PDE10A: variants seen among roughly 807,000 people sequenced by gnomAD.
PDE10A encodes the protein phosphodiesterase 10A.
A neutral mutation model predicts 97.7 loss-of-function variants in PDE10A; 39 were observed. The ratio of observed to expected loss-of-function variants is 0.40; its 90% CI spans 0.31 to 0.52. PDE10A has a LOEUF of 0.52. Ranked by LOEUF, PDE10A falls within the 20% of genes least tolerant of loss-of-function variation. The pLI is 0.56. For missense variants in PDE10A, 731 were observed against 1,047.8 expected, an observed-to-expected ratio of 0.70 and a Z score of 4.17; for synonymous variants, 371 against 376.8, an observed-to-expected ratio of 0.98 and a Z score of 0.18.
At chr6:165,549,891 T>C (rs1583520170) in intron 1 of PDE10A, among the ~76,000 whole-genome samples, 2 of 152,322 alleles carry the variant, frequency 1.3e-5, no homozygotes, top group Admixed American at 6.5e-5. Context: ...TTAGTAATCA[T>C]AGGTACTAAA....
intron 1 of PDE10A, among the ~76,000 whole-genome samples, chr6:165,594,926 G>A (rs1786494957): frequency 6.6e-6 from 1 of 152,230 alleles, no homozygotes; most frequent in Non-Finnish European, 1.5e-5. Context: ...GTCTGGTGTG[G>A]TGAACAAGAT....
At chr6:165,545,623 T>C (rs528878878) in intron 1 of PDE10A, among the ~76,000 whole-genome samples, 6 of 152,192 alleles carry the variant, frequency 3.9e-5, no homozygotes, top group African/African-American at 1.4e-4. Flanking sequence ...CAAAGGCCAC[T>C]TCAGTAAAGA....
chr6:165,542,223 C>T (rs975177368), intron 2 of PDE10A, among the ~76,000 whole-genome samples: 2 of 151,940 alleles, frequency 1.3e-5, no homozygotes, highest in African/African-American at 4.8e-5. Flanking sequence ...ATAAAATTGT[C>T]ACAATAAAAA....
chr6:165,734,708 A>G (rs920694290), intron 1 of PDE10A, among the ~76,000 whole-genome samples: 1 of 152,202 alleles, frequency 6.6e-6, no homozygotes, highest in Admixed American at 6.5e-5. Context: ...AGAAAATACC[A>G]AAGTTAAGAG....
At chr6:165,887,490 T>G (rs1456858014) in intron 1 of PDE10A, among the ~76,000 whole-genome samples, 1 of 152,138 alleles carries the variant, frequency 6.6e-6, no homozygotes, top group Non-Finnish European at 1.5e-5. Flanking sequence ...TCCTGAACCT[T>G]TCCTTCACTT....
At chr6:165,365,742 A>T (rs960962727) in intron 18 of PDE10A, among the ~76,000 whole-genome samples, 32 of 152,178 alleles carry the variant, frequency 2.1e-4, no homozygotes, top group African/African-American at 7.0e-4. Flanking sequence ...AAATTAAATT[A>T]AAATTTAAAA....
At chr6:165,625,086 C>A (rs1191173805) in intron 1 of PDE10A, among the ~76,000 whole-genome samples, 4 of 151,594 alleles carry the variant, frequency 2.6e-5, no homozygotes, top group African/African-American at 9.8e-5. Context: ...AGAGAGAGTG[C>A]TGGAGAGACG....
At chr6:165,458,346 G>A (rs1778084377) in intron 3 of PDE10A, among the ~76,000 whole-genome samples, 1 of 152,068 alleles carries the variant, frequency 6.6e-6, no homozygotes. Flanking sequence ...GGAGTGATTA[G>A]GTCAGGAGAA....
chr6:165,543,703 A>G (rs1471779905), intron 1 of PDE10A, 135 bp from the exon 2 acceptor site: 2 of 626,674 alleles, frequency 3.2e-6, no homozygotes, highest in Non-Finnish European at 5.1e-6. Flanking sequence ...AAGAGCGGGA[A>G]GGGGAAGCTA....
intron 3 of PDE10A, among the ~76,000 whole-genome samples, chr6:165,469,644 G>T (rs1422589464): frequency 6.6e-6 from 1 of 151,970 alleles, no homozygotes; most frequent in Non-Finnish European, 1.5e-5. Flanking sequence ...TTCCATCTGG[G>T]TGAGAAGTTA....
chr6:165,877,507 T>C (rs1360807753), intron 1 of PDE10A, among the ~76,000 whole-genome samples: 1 of 152,220 alleles, frequency 6.6e-6, no homozygotes, highest in African/African-American at 2.4e-5. Context: ...CTTCCAAATA[T>C]CCTTTTGATT....
At chr6:165,462,264 G>A (rs1370653991) in intron 3 of PDE10A, among the ~76,000 whole-genome samples, 2 of 152,178 alleles carry the variant, frequency 1.3e-5, no homozygotes, top group African/African-American at 4.8e-5. Context: ...GGGAAATAGA[G>A]AATATGGAAC....
At chr6:165,650,796 G>C (rs545168635) in intron 1 of PDE10A, among the ~76,000 whole-genome samples, 1 of 151,772 alleles carries the variant, frequency 6.6e-6, no homozygotes. Flanking sequence ...GGAGTGCAGT[G>C]GTGTGATCTC....
intron 1 of PDE10A, among the ~76,000 whole-genome samples, chr6:165,620,566 G>A (rs564191988): frequency 4.0e-5 from 6 of 148,296 alleles, no homozygotes; most frequent in Non-Finnish European, 8.8e-5. Context: ...GAGAGAAAAC[G>A]ATCAATAAGT....
At chr6:165,703,255 T>C (rs1791625250) in intron 1 of PDE10A, among the ~76,000 whole-genome samples, 1 of 152,234 alleles carries the variant, frequency 6.6e-6, no homozygotes, top group Admixed American at 6.5e-5. Context: ...TCCAGGACAG[T>C]GGTCCTGTTC....
intron 1 of PDE10A, among the ~76,000 whole-genome samples, chr6:165,718,829 G>A (rs896456038): frequency 3.3e-5 from 5 of 152,122 alleles, no homozygotes; most frequent in Non-Finnish European, 5.9e-5. Flanking sequence ...GATAACCAAG[G>A]AAAGCTTCCA....
At chr6:165,445,725 C>A (rs1412199215) in intron 5 of PDE10A, among the ~76,000 whole-genome samples, 1 of 152,174 alleles carries the variant, frequency 6.6e-6, no homozygotes, top group African/African-American at 2.4e-5. Context: ...CCTGAAAATT[C>A]ATCTCAACCA....
chr6:165,331,573 G>A lies in PDE10A; in HGVS notation c.*1452C>T, dbSNP rs1781342936. On this transcript the variant is annotated 3_prime_UTR_variant, in exon 22 of 22. Transcript: ENST00000539869. Reference sequence around the variant, plus strand: ...TCCAGTTTCCTGCCACATGAAAAGTGAATAAGTTATTTGATATGATGGGCC... The same window carrying A: ...TCCAGTTTCCTGCCACATGAAAAGTAAATAAGTTATTTGATATGATGGGCC... The A allele has an allele frequency of 6.6e-6, 1 of 152,168 alleles. No individual in the cohort carries two copies. The highest frequency in any genetic ancestry group is 1.5e-5 in the Non-Finnish European group (1 of 68,026). The allele number at this position is 152,168 out of a possible 1,614,324, so 9.4% of individuals were successfully genotyped here. A position where few individuals can be genotyped will look rare whatever the true frequency, so the allele number is the denominator to read the frequency against.
chr6:165,842,247 C>A (rs1219679921), intron 1 of PDE10A, among the ~76,000 whole-genome samples: 1 of 152,032 alleles, frequency 6.6e-6, no homozygotes, highest in African/African-American at 2.4e-5. Context: ...CAGACAAAAG[C>A]CGGGTAATTC....
Sources: gnomAD v4.1 joint callset for allele counts (sites outside exome capture counted in the v4.1 genomes callset) on GRCh38, gnomAD v4.1.1 for gene constraint, MANE v1.5 for transcripts, NCBI Gene and HGNC (gene_info 2026-07-23, HGNC 2026-07-21) for gene names.